NEDD9: variants seen among roughly 807,000 people sequenced by gnomAD.
NEDD9 encodes neural precursor cell expressed, developmentally down-regulated 9.
In NEDD9, 26 loss-of-function variants were observed where a neutral mutation model predicts 76.6. The ratio of observed to expected loss-of-function variants is 0.34; its 90% CI spans 0.25 to 0.47. The LOEUF (loss-of-function observed/expected upper bound fraction) is 0.47, where lower values mean the gene tolerates loss of function less well. Ranked by LOEUF, NEDD9 falls within the 20% of genes least tolerant of loss-of-function variation. The probability of loss-of-function intolerance (pLI) is 1.00; values close to 1 mark genes in which losing one functional copy is unlikely to be tolerated. For synonymous variants in NEDD9, 392 were observed against 414.2 expected, an observed-to-expected ratio of 0.95 and a Z score of 0.65; for missense variants, 937 against 1,058.5, an observed-to-expected ratio of 0.89 and a Z score of 1.59.
At chr6:11,348,695 T>C (rs1344333030) in intron 1 of NEDD9, among the ~76,000 whole-genome samples, 2 of 152,176 alleles carry the variant, frequency 1.3e-5, no homozygotes, top group East Asian at 1.9e-4. Flanking sequence ...TGTTCAATAA[T>C]GGTGCTGGAA....
chr6:11,246,125 T>C (rs1191831526), intron 3 of NEDD9, among the ~76,000 whole-genome samples: 1 of 152,136 alleles, frequency 6.6e-6, no homozygotes, highest in Non-Finnish European at 1.5e-5. Context: ...GCTAACACAA[T>C]GATAATGTTA....
At chr6:11,223,936 A>T (rs909803215) in intron 1 of NEDD9, among the ~76,000 whole-genome samples, 2 of 152,222 alleles carry the variant, frequency 1.3e-5, no homozygotes, top group Non-Finnish European at 2.9e-5. Flanking sequence ...ACAGTGGATT[A>T]ATCTCAGGAG....
intron 1 of NEDD9, among the ~76,000 whole-genome samples, chr6:11,358,573 T>C (rs750817354): frequency 5.3e-5 from 8 of 152,204 alleles, no homozygotes; most frequent in Non-Finnish European, 1.2e-4. Context: ...CAAGTCACCC[T>C]AGAGGAAAGC....
chr6:11,197,050 C>G (rs1758311083), intron 2 of NEDD9, among the ~76,000 whole-genome samples: 1 of 152,118 alleles, frequency 6.6e-6, no homozygotes, highest in Non-Finnish European at 1.5e-5. Flanking sequence ...AACGATCTCT[C>G]CTCATTCCAC....
rs542414340 is a variant in NEDD9, at chr6:11,195,048, T to C, written c.460-1356A>G. On this transcript the variant is annotated intron_variant, in intron 2 of 6. Transcript: ENST00000379446. Reference sequence around the variant, plus strand: ...TAAGAAACCGTCAACTTTTATCCTTTCTCTGAAGTGAAAACTCTGGCGTCA... The same window carrying C: ...TAAGAAACCGTCAACTTTTATCCTTCCTCTGAAGTGAAAACTCTGGCGTCA... Among the ~76,000 whole-genome samples the C allele has an allele frequency of 2.7e-4, 41 of 152,258 alleles. No homozygotes were observed. The South Asian group carries it at 2.7e-3, about 10-fold the overall frequency.
chr6:11,309,032 C>T (rs1300496333), intron 2 of NEDD9, among the ~76,000 whole-genome samples: 1 of 152,214 alleles, frequency 6.6e-6, no homozygotes, highest in African/African-American at 2.4e-5. Context: ...GGCCTGCCTA[C>T]AGGTGACTAC....
chr6:11,259,968 A>AC (rs1760076249), intron 3 of NEDD9, among the ~76,000 whole-genome samples: 1 of 151,928 alleles, frequency 6.6e-6, no homozygotes, highest in African/African-American at 2.4e-5. Context: ...ACAGACACAC[A>AC]CCCCACCACA....
At chr6:11,189,483 C>T (rs1356558008) in intron 5 of NEDD9, among the ~76,000 whole-genome samples, 1 of 152,178 alleles carries the variant, frequency 6.6e-6, no homozygotes, top group African/African-American at 2.4e-5. Flanking sequence ...TAGCAGGGGC[C>T]TTAGAAATTC....
At chr6:11,216,383 C>A (rs1300258927) in intron 1 of NEDD9, among the ~76,000 whole-genome samples, 1 of 152,170 alleles carries the variant, frequency 6.6e-6, no homozygotes, top group Non-Finnish European at 1.5e-5. Flanking sequence ...CTCCAGGGAC[C>A]TTTAGAGATC....
intron 3 of NEDD9, among the ~76,000 whole-genome samples, chr6:11,288,251 G>T (rs1176745325): frequency 2.0e-5 from 3 of 152,230 alleles, no homozygotes; most frequent in Non-Finnish European, 4.4e-5. Context: ...GCATGCCGAG[G>T]GTGGTGTTTA....
chr6:11,305,294 A>T lies in NEDD9; in HGVS notation c.12+698T>A, dbSNP rs1272299065. 1.3e-5 allele frequency: 6 copies of T among 458,234 alleles called. No homozygotes were observed. In the East Asian group the frequency reaches 4.3e-4, roughly 33 times the overall value. The allele number at this position is 458,234 out of a possible 1,614,324, so 28.4% of individuals were successfully genotyped here. ...ATCTTCCTGTCACCATTTTATAAAC[A>T]CAGAAACAGAGATTCAAAAGGGTCA... On this transcript the variant is annotated intron_variant, in intron 3 of 3. Transcript: ENST00000397378.
At chr6:11,330,128 T>C (rs1247924016) in intron 2 of NEDD9, among the ~76,000 whole-genome samples, 3 of 152,154 alleles carry the variant, frequency 2.0e-5, no homozygotes, top group Admixed American at 6.6e-5. Flanking sequence ...ATTGTAATCG[T>C]CCCATGCAAC....
intron 4 of NEDD9, 113 bp downstream of exon 4, chr6:11,192,232 G>T: frequency 1.6e-6 from 1 of 624,232 alleles, no homozygotes; most frequent in Non-Finnish European, 2.6e-6. Flanking sequence ...TTTTGGGTTT[G>T]CCTTTCTTGT....
chr6:11,232,541 T>C lies in NEDD9; in HGVS notation c.-26A>G, dbSNP rs780140041. The C allele has an allele frequency of 1.2e-6, 2 of 1,614,238 alleles. No individual in the cohort carries two copies. Among genetic ancestry groups the C allele is most frequent in the South Asian group, 2.2e-5 (2 of 91,088 alleles). Reference sequence around the variant, plus strand: ...TTCGGCAGCGGTGGGTTGAGCCGTTTTCCTACACTAGTTAAGACAGCATTA... The same window carrying C: ...TTCGGCAGCGGTGGGTTGAGCCGTTCTCCTACACTAGTTAAGACAGCATTA... On this transcript the variant is annotated 5_prime_UTR_variant, in exon 1 of 7. Coordinates refer to ENST00000379446, the MANE Select transcript of NEDD9 (RefSeq NM_006403.4).
At chr6:11,295,084 T>C (rs910035037) in intron 3 of NEDD9, among the ~76,000 whole-genome samples, 3 of 152,206 alleles carry the variant, frequency 2.0e-5, no homozygotes, top group Admixed American at 6.5e-5. Context: ...CCATGTGGAA[T>C]GGTGAGTCCA....
At chr6:11,221,957 C>G (rs949130527) in intron 1 of NEDD9, among the ~76,000 whole-genome samples, 1 of 152,154 alleles carries the variant, frequency 6.6e-6, no homozygotes, top group Non-Finnish European at 1.5e-5. Context: ...AGACAAATCC[C>G]TCTAACATCC....
At chr6:11,371,867 G>A (rs925818139) in intron 1 of NEDD9, among the ~76,000 whole-genome samples, 1 of 152,062 alleles carries the variant, frequency 6.6e-6, no homozygotes, top group African/African-American at 2.4e-5. Context: ...TACATAGTAG[G>A]TGTATATATT....
intron 1 of NEDD9, among the ~76,000 whole-genome samples, chr6:11,374,066 C>CTCTCTA (rs1554136634): frequency 1.3e-4 from 19 of 149,554 alleles, no homozygotes; most frequent in African/African-American, 4.0e-4. Context: ...CTCTCTCTCT[C>CTCTCTA]TATATATATA....
intron 3 of NEDD9, among the ~76,000 whole-genome samples, chr6:11,275,788 C>T (rs1760404108): frequency 6.6e-6 from 1 of 152,178 alleles, no homozygotes; most frequent in African/African-American, 2.4e-5. Flanking sequence ...CTGGGAAATT[C>T]TTCCAAGCCA....
Sources: gnomAD v4.1 joint callset for allele counts (sites outside exome capture counted in the v4.1 genomes callset) on GRCh38, gnomAD v4.1.1 for gene constraint, MANE v1.5 for transcripts, NCBI Gene and HGNC (gene_info 2026-07-23, HGNC 2026-07-21) for gene names.